CCDC66: variants seen among roughly 807,000 people sequenced by gnomAD.
CCDC66 encodes coiled-coil domain-containing protein 66.
CCDC66 carries 133 observed loss-of-function variants against 128.3 expected under a neutral mutation model. The observed-to-expected ratio is 1.04, with a 90% CI of 0.90 to 1.20. The LOEUF (loss-of-function observed/expected upper bound fraction) is 1.20. Ranked by LOEUF, CCDC66 falls within the 50% of genes most tolerant of loss-of-function variation. CCDC66 has a pLI of 0.00. For synonymous variants in CCDC66, 387 were observed against 357.0 expected (o/e 1.08, Z -0.95); for missense variants, 1,126 against 1,075.5 (o/e 1.05, Z -0.66).
Position 56,612,774 on chromosome 3 carries a change from AAT to A in CCDC66, c.1405-814_1405-813del, listed in dbSNP as rs1180358676. ...ACTCTAGGAGGAGTGCTCAGGTGCC[AAT>A]GGTGGTGTCCTGGGCAGGGCAGTCC... On this transcript the variant is annotated intron_variant, in intron 10 of 17. Coordinates refer to ENST00000394672, the MANE Select transcript of CCDC66 (RefSeq NM_001141947.3). Among the ~76,000 whole-genome samples the A allele has an allele frequency of 3.3e-5, 5 of 152,224 alleles. No homozygotes were observed. In the East Asian group the frequency reaches 9.7e-4, roughly 29 times the overall value.
In CCDC66 at chr3:56,575,440, G is replaced by T. The variant is rs1489680743; in HGVS notation, c.936+4138G>T. Among the ~76,000 whole-genome samples the T allele has an allele frequency of 4.0e-5, 6 of 151,688 alleles. 1 individual carries two copies. In the East Asian group the frequency reaches 6.0e-4, roughly 15 times the overall value. On this transcript the variant is annotated intron_variant, in intron 7 of 17. Coordinates refer to ENST00000394672, the MANE Select transcript of CCDC66 (RefSeq NM_001141947.3). Reference sequence around the variant, plus strand: ...GCCCATTTCAGTCAGGTTTTTTGGGGGTTTTTTTGTTGTTGAGTTGTAGGA... The same window carrying T: ...GCCCATTTCAGTCAGGTTTTTTGGGTGTTTTTTTGTTGTTGAGTTGTAGGA...
At position 56,564,040 on chromosome 3, in the gene CCDC66, A is replaced by C. The variant is rs780157815; in HGVS notation, c.459A>C (p.Thr153=). Residue 153 remains threonine, a synonymous_variant, in exon 4 of 18, where the codon ACA becomes ACC. Coordinates refer to ENST00000394672, the MANE Select transcript of CCDC66 (RefSeq NM_001141947.3). Reference sequence around the variant, plus strand: ...TGAAGAGCAGTTTGGTGTGTCTAACACAAGACCAACTACAACAGATTTTGA... The same window carrying C: ...TGAAGAGCAGTTTGGTGTGTCTAACCCAAGACCAACTACAACAGATTTTGA... ...ENMKSSLVCL[T]QDQLQQILMT... The C allele has an allele frequency of 6.2e-7, 1 of 1,614,022 alleles. No homozygotes were observed. Among genetic ancestry groups the C allele is most frequent in the South Asian group, 1.1e-5 (1 of 91,086 alleles).
At position 56,566,577 on chromosome 3, in the gene CCDC66, T is replaced by C. The variant is rs1220813261; in HGVS notation, c.545-17T>C. ...GTAATTTAGTGTTAATTTTAAAACATGTATTTTACCTCCTAGGTCAATATA... is the reference window on the plus strand; with the variant it reads ...GTAATTTAGTGTTAATTTTAAAACACGTATTTTACCTCCTAGGTCAATATA... On this transcript the variant is annotated splice_polypyrimidine_tract_variant and intron_variant, in intron 4 of 17. Transcript: ENST00000394672. The C allele has an allele frequency of 1.3e-6, 2 of 1,486,916 alleles. No homozygotes were observed. The highest frequency in any genetic ancestry group is 1.9e-6 in the Non-Finnish European group (2 of 1,070,866). 92.1% of individuals were successfully genotyped at this position (1,486,916 alleles called of 1,614,324 possible).
chr3:56,559,412 A>C (rs1331657668), intron 2 of CCDC66, among the ~76,000 whole-genome samples, 157 bp from the exon 3 acceptor site: 1 of 152,166 alleles, frequency 6.6e-6, no homozygotes, highest in Non-Finnish European at 1.5e-5. Flanking sequence ...CTTGAACTGG[A>C]TTAGAAAAAA....
At chr3:56,611,031 TG>T (rs1323706439) in intron 10 of CCDC66, among the ~76,000 whole-genome samples, 1 of 152,178 alleles carries the variant, frequency 6.6e-6, no homozygotes, top group Non-Finnish European at 1.5e-5. Flanking sequence ...GCTCTATTTT[TG>T]TGCTGGTTGG....
At chr3:56,584,113 C>G (rs1252695517) in intron 7 of CCDC66, among the ~76,000 whole-genome samples, 1 of 142,560 alleles carries the variant, frequency 7.0e-6, no homozygotes, top group African/African-American at 2.6e-5. Flanking sequence ...GCGGGGGCTG[C>G]CCCCCACCTC....
At chr3:56,608,206 TG>T (rs1237534240) in intron 10 of CCDC66, among the ~76,000 whole-genome samples, 8 of 152,204 alleles carry the variant, frequency 5.3e-5, no homozygotes, top group Non-Finnish European at 1.2e-4. Context: ...TCAAAAGAAT[TG>T]GTACCAATTA....
intron 12 of CCDC66, 102 bp downstream of exon 12, chr3:56,615,374 A>G: frequency 8.6e-7 from 1 of 1,165,138 alleles, no homozygotes; most frequent in African/African-American, 1.6e-5. Flanking sequence ...TCTGTTGCAC[A>G]GGCTAGAGTG....
At position 56,571,778 on chromosome 3, in the gene CCDC66, G is replaced by C. The variant is rs942158545; in HGVS notation, c.936+476G>C. On this transcript the variant is annotated intron_variant, in intron 7 of 17. Transcript: ENST00000394672. ...CTGTTGCTCAGGCAGGTATGCAGTG[G>C]TGAAAACATAATTCCCTGCAGCCTT... Among the ~76,000 whole-genome samples, 9 of 152,190 alleles carry C rather than the reference G, an allele frequency of 5.9e-5. 1 individual carries two copies. The highest frequency in any genetic ancestry group is 1.3e-4 in the Admixed American group (2 of 15,284).
intron 10 of CCDC66, among the ~76,000 whole-genome samples, chr3:56,605,261 CCTT>C (rs1229776380): frequency 1.3e-5 from 2 of 152,134 alleles, no homozygotes; most frequent in East Asian, 1.9e-4. Flanking sequence ...CCTTCTGAAG[CCTT>C]CTTCTGTCAA....
In CCDC66 at chr3:56,621,515, T is replaced by C. The variant is rs369348498; in HGVS notation, c.2761-17T>C. ...TGTGCACATTTTACTAACAAACATA[T>C]ATCAATGTGATTTCAGGGCCTTCTC... On this transcript the variant is annotated splice_polypyrimidine_tract_variant and intron_variant, in intron 17 of 17. Transcript: ENST00000394672. 7.2e-6 allele frequency: 11 copies of C among 1,537,064 alleles called. No homozygotes were observed. The highest frequency in any genetic ancestry group is 9.8e-6 in the Non-Finnish European group (11 of 1,127,642).
At chr3:56,581,028 C>G (rs1409308818) in intron 7 of CCDC66, among the ~76,000 whole-genome samples, 1 of 151,856 alleles carries the variant, frequency 6.6e-6, no homozygotes, top group Non-Finnish European at 1.5e-5. Flanking sequence ...TCCATTCTCC[C>G]CATCACTTTC....
intron 7 of CCDC66, chr3:56,572,435 C>G: frequency 7.9e-7 from 1 of 1,261,182 alleles, no homozygotes; most frequent in East Asian, 5.6e-5. Flanking sequence ...AGAGGTAAGT[C>G]CTAAGTGTCA....
chr3:56,576,227 G>C (rs2067343929), intron 7 of CCDC66, among the ~76,000 whole-genome samples: 1 of 150,506 alleles, frequency 6.6e-6, no homozygotes, highest in African/African-American at 2.4e-5. Context: ...GTAGTTTTCA[G>C]TGTACAAGTC....
At chr3:56,582,772 A>C (rs985107044) in intron 7 of CCDC66, among the ~76,000 whole-genome samples, 10 of 151,110 alleles carry the variant, frequency 6.6e-5, no homozygotes, top group Non-Finnish European at 1.5e-4. Flanking sequence ...GATCTACATT[A>C]ATGCTCAAGA....
intron 10 of CCDC66, among the ~76,000 whole-genome samples, chr3:56,605,843 C>T (rs1001259032): frequency 6.6e-6 from 1 of 152,032 alleles, no homozygotes; most frequent in African/African-American, 2.4e-5. Context: ...CAGGCAGGGA[C>T]GTTTAAGTCT....
rs1256675403 is a variant in CCDC66, at chr3:56,583,977, C to G, written c.937-8993C>G. ...GCGGCTGGCCGGGCGGGGGCTGCCC[C>G]CCACCTCCCTCCCGGACGGGGCGGC... On this transcript the variant is annotated intron_variant, in intron 7 of 17. Transcript: ENST00000394672. Among the ~76,000 whole-genome samples, 5 of 137,768 alleles carry G rather than the reference C, an allele frequency of 3.6e-5. 1 individual carries two copies. The highest frequency in any genetic ancestry group is 1.6e-5 in the Non-Finnish European group (1 of 63,872). 90.4% of individuals were successfully genotyped at this position (137,768 alleles called of 152,430 possible). A position where few individuals can be genotyped will look rare whatever the true frequency, so the allele number is the denominator to read the frequency against.
intron 7 of CCDC66, chr3:56,572,399 T>A: frequency 2.3e-6 from 3 of 1,289,416 alleles, no homozygotes; most frequent in Non-Finnish European, 3.0e-6. Flanking sequence ...GATGGGGCAT[T>A]CACAACTTAG....
At chr3:56,570,324 T>C (rs2066454202) in intron 6 of CCDC66, 2 of 152,212 alleles carry the variant, frequency 1.3e-5, no homozygotes, top group Admixed American at 1.3e-4. Flanking sequence ...CACAGGCTTT[T>C]ATGTTTTTTA....
Sources: allele counts gnomAD v4.1 joint callset (sites outside exome capture counted in the v4.1 genomes callset), GRCh38; gene constraint gnomAD v4.1.1; transcripts MANE v1.5; gene names NCBI Gene and HGNC (gene_info 2026-07-23, HGNC 2026-07-21).